The following FAT3 variants were observed in gnomAD, a reference collection of about 807,000 sequenced individuals.
FAT3 encodes protocadherin Fat 3.
FAT3 carries 95 observed loss-of-function variants against 310.2 expected under a neutral mutation model. The observed-to-expected ratio is 0.31, with a 90% confidence interval of 0.26 to 0.36. The LOEUF is 0.36. Ranked by LOEUF, FAT3 falls within the 10% of genes least tolerant of loss-of-function variation. FAT3 has a pLI of 1.00. For synonymous variants in FAT3, 2,314 were observed against 2,192.9 expected (o/e 1.06, Z -1.54); for missense variants, 5,408 against 5,715.6 (o/e 0.95, Z 1.74).
intron 3 of FAT3, among the ~76,000 whole-genome samples, chr11:92,597,413 C>T (rs1255660368): frequency 2.0e-5 from 3 of 152,198 alleles, no homozygotes; most frequent in Non-Finnish European, 4.4e-5. Flanking sequence ...AATGAACGGA[C>T]AGTCACGATG....
intron 15 of FAT3, 108 bp from the exon 16 acceptor site, chr11:92,836,458 G>A (rs1033167015): frequency 1.4e-5 from 18 of 1,305,122 alleles, no homozygotes; most frequent in African/African-American, 1.4e-4. Context: ...CAGAGCTCCC[G>A]AGAAAACTGT....
intron 2 of FAT3, among the ~76,000 whole-genome samples, chr11:92,408,456 G>A (rs1335488135): frequency 1.3e-5 from 2 of 152,252 alleles, no homozygotes; most frequent in East Asian, 1.9e-4. Context: ...TAGGCTCTCC[G>A]AGCCTTAGTT....
chr11:92,836,608 C>G lies in FAT3; in HGVS notation c.10129C>G (p.His3377Asp). The G allele has an allele frequency of 1.2e-6, 2 of 1,613,850 alleles. No individual in the cohort carries two copies. Among genetic ancestry groups the G allele is most frequent in the Non-Finnish European group, 1.7e-6 (2 of 1,179,826 alleles). The change falls in exon 16 of 28, where the codon CAT becomes GAT. Residue 3377 changes from histidine (H) to aspartate (D), a missense_variant. By Grantham distance (81) the His-to-Asp change is moderately conservative. This residue lies in a region of FAT3 where 4,588 missense variants were observed against 4,809.8 expected (regional missense o/e 0.95). Transcript: ENST00000525166. Reference protein sequence around the residue: ...DVDSQPNGQIHFSIVNGDRDN... With the variant: ...DVDSQPNGQIDFSIVNGDRDN... ...AGACAGCCAGCCCAACGGACAGATT[C>G]ATTTTTCCATTGTGAATGGAGATCG...
chr11:92,256,342 G>A (rs751958), intron 1 of FAT3, among the ~76,000 whole-genome samples: 45,556 of 151,518 alleles, frequency 0.3, 7,328 homozygotes, highest in South Asian at 0.49. Flanking sequence ...CAGAGGGAAT[G>A]CTTTAAATAT....
chr11:92,291,265 TGTTGGAGGG>T (rs1256205028), intron 1 of FAT3, among the ~76,000 whole-genome samples: 1 of 152,106 alleles, frequency 6.6e-6, no homozygotes, highest in African/African-American at 2.4e-5. Flanking sequence ...CACTCTATCC[TGTTGGAGGG>T]GTTGATGCTT....
At chr11:92,832,131 G>A (rs2136261209) in intron 14 of FAT3, 120 bp downstream of exon 14, 1 of 1,104,050 alleles carries the variant, frequency 9.1e-7, no homozygotes, top group African/African-American at 1.6e-5. Context: ...AGGAGTTCAG[G>A]ACTAGCCTGG....
chr11:92,300,817 A>G (rs1057185581), intron 1 of FAT3, among the ~76,000 whole-genome samples: 6 of 152,182 alleles, frequency 3.9e-5, no homozygotes, highest in Admixed American at 1.3e-4. Context: ...AAATACATGC[A>G]TGACATTTAG....
intron 4 of FAT3, among the ~76,000 whole-genome samples, chr11:92,703,707 C>A (rs181567013): frequency 3.7e-4 from 56 of 152,332 alleles, no homozygotes; most frequent in African/African-American, 1.0e-3. Context: ...TTTTTACTTC[C>A]TTTCATAAAA....
At chr11:92,328,734 C>T (rs956334249) in intron 1 of FAT3, among the ~76,000 whole-genome samples, 2 of 152,166 alleles carry the variant, frequency 1.3e-5, no homozygotes, top group African/African-American at 2.4e-5. Flanking sequence ...TCCATGTGCC[C>T]TCAGGTTTGC....
intron 3 of FAT3, among the ~76,000 whole-genome samples, chr11:92,635,237 T>G (rs959752713): frequency 6.6e-6 from 1 of 152,154 alleles, no homozygotes; most frequent in Non-Finnish European, 1.5e-5. Context: ...GATTCAGATT[T>G]TTTTTTTCTT....
rs548312543 is a variant in FAT3, at chr11:92,749,983, C to A, written c.3670-11873C>A. ...GAAAATGATAATATTTGTATAATAT[C>A]TTTAGGTAAAGGGAAAAGCTAATCC... On this transcript the variant is annotated intron_variant, in intron 4 of 27. Transcript: ENST00000525166. 2.0e-5 allele frequency among the ~76,000 whole-genome samples: 3 copies of A among 152,226 alleles called. No homozygotes were observed. In the South Asian group the frequency reaches 6.2e-4, roughly 32 times the overall value.
chr11:92,789,900 C>G, intron 7 of FAT3, 43 bp from the exon 8 acceptor site: 2 of 1,599,404 alleles, frequency 1.3e-6, no homozygotes, highest in Non-Finnish European at 1.7e-6. Flanking sequence ...TAGCAGTGAG[C>G]AAATTGGCAT....
At chr11:92,417,821 C>T (rs1420387055) in intron 2 of FAT3, among the ~76,000 whole-genome samples, 1 of 152,216 alleles carries the variant, frequency 6.6e-6, no homozygotes, top group Non-Finnish European at 1.5e-5. Flanking sequence ...TGATTATTAA[C>T]ACAGAACCAT....
chr11:92,777,373 C>G (rs1946625293), intron 7 of FAT3, among the ~76,000 whole-genome samples: 1 of 152,216 alleles, frequency 6.6e-6, no homozygotes, highest in African/African-American at 2.4e-5. Context: ...TCTCCCAACT[C>G]TCACAGGATT....
chr11:92,880,980 T>C, intron 23 of FAT3, 96 bp downstream of exon 23: 1 of 1,350,348 alleles, frequency 7.4e-7, no homozygotes, highest in South Asian at 1.3e-5. Flanking sequence ...TTACCACTAA[T>C]AGTACAGGCA....
At chr11:92,315,567 A>G (rs1328155254) in intron 1 of FAT3, among the ~76,000 whole-genome samples, 2 of 140,092 alleles carry the variant, frequency 1.4e-5, no homozygotes, top group African/African-American at 5.2e-5. Context: ...TGTGTTGCCC[A>G]GGCTGGAGTG....
intron 1 of FAT3, among the ~76,000 whole-genome samples, chr11:92,296,792 G>C (rs1946862255): frequency 6.6e-6 from 1 of 152,074 alleles, no homozygotes; most frequent in Non-Finnish European, 1.5e-5. Context: ...CATTGCGCAT[G>C]CTGCCTTAAA....
At chr11:92,786,886 T>G (rs1946907722) in intron 7 of FAT3, among the ~76,000 whole-genome samples, 1 of 152,216 alleles carries the variant, frequency 6.6e-6, no homozygotes, top group Admixed American at 6.5e-5. Context: ...ATTAACTGAT[T>G]CATCTACTCA....
intron 3 of FAT3, among the ~76,000 whole-genome samples, chr11:92,655,207 A>AAATG (rs138538905): frequency 0.022 from 3,352 of 151,930 alleles, 33 homozygotes; most frequent in African/African-American, 0.026. Context: ...TAGGATAGGT[A>AAATG]AATGAATGAA....
Sources: allele counts gnomAD v4.1 joint callset (sites outside exome capture counted in the v4.1 genomes callset), GRCh38; gene constraint gnomAD v4.1.1; regional missense constraint gnomAD v4.1.1; transcripts MANE v1.5; gene names NCBI Gene and HGNC (gene_info 2026-07-23, HGNC 2026-07-21).